The following SLC49A3 variants were observed in gnomAD, a reference collection of about 807,000 sequenced individuals.
SLC49A3 encodes the protein solute carrier family 49 member A3.
In SLC49A3, 50 loss-of-function variants were observed where a neutral mutation model predicts 43.8. The ratio of observed to expected loss-of-function variants is 1.14; its 90% CI spans 0.91 to 1.45. The LOEUF is 1.45. SLC49A3 is among the 40% of genes most tolerant of loss of function. The probability of loss-of-function intolerance (pLI) is 0.00; values close to 1 mark genes in which losing one functional copy is unlikely to be tolerated. For missense variants in SLC49A3, 906 were observed against 774.1 expected (o/e 1.17, Z -2.02); for synonymous variants, 413 against 352.0 (o/e 1.17, Z -1.94).
downstream of SLC49A3, chr4:678,192 G>A (rs563986330): frequency 3.1e-5 from 48 of 1,526,134 alleles, no homozygotes; most frequent in African/African-American, 6.3e-4. Flanking sequence ...GCGTGTGTAT[G>A]TGCGTGTGTG....
In SLC49A3 at chr4:683,220, A is replaced by T; in HGVS notation, c.1141T>A (p.Phe381Ile). The part of the protein sequence containing the change: ...VGEGAATGMI[F>I]VLGQAEGILI... The stretch of plus-strand genomic sequence containing the variant: ...CAGATGGACACTCACCCCAGCACAA[A>T]GATCATGCCTGTGGCAGCCCCCTCC... The change falls in exon 8 of 10, where the codon TTT (phenylalanine) becomes ATT (isoleucine). Residue 381 changes from phenylalanine to isoleucine, a missense_variant. Coordinates refer to ENST00000322224, the MANE Select transcript of SLC49A3 (RefSeq NM_032219.4). 6.2e-7 allele frequency: 1 copy of T among 1,612,760 alleles called. No homozygotes were observed. Among genetic ancestry groups the T allele is most frequent in the Non-Finnish European group, 8.5e-7 (1 of 1,179,914 alleles).
rs1384862473 is a variant in SLC49A3 at position 681,960 on chromosome 4, A to G, written c.1678T>C (p.Ter560GlnextTer5). The change falls in exon 10 of 10, where the codon TAG becomes CAG. Residue 560 changes from the stop codon to glutamine, a stop_lost. Transcript: ENST00000322224. ...AACCTGGACTACAAGGCGCTCAGCT[A>G]CGTGATCACCCACGGGGAGGAGAAG... ...SSFSSPWVIT[*>Q] 12 of 1,370,056 alleles carry G rather than the reference A, an allele frequency of 8.8e-6. No homozygotes were observed. Among genetic ancestry groups the G allele is most frequent in the African/African-American group, 1.5e-5 (1 of 66,666 alleles). 84.9% of individuals were successfully genotyped at this position (1,370,056 alleles called of 1,614,324 possible). A position where few individuals can be genotyped will look rare whatever the true frequency, so the allele number is the denominator to read the frequency against.
Position 685,731 on chromosome 4 carries a change from C to G in SLC49A3, c.585+104G>C. The G allele has an allele frequency of 7.9e-7, 1 of 1,266,012 alleles. No individual in the cohort carries two copies. The highest frequency in any genetic ancestry group is 1.3e-5 in the South Asian group (1 of 78,582). The allele number at this position is 1,266,012 out of a possible 1,614,324, so 78.4% of individuals were successfully genotyped here. A position where few individuals can be genotyped will look rare whatever the true frequency, so the allele number is the denominator to read the frequency against. ...GGGTGGCGGGGCGGGGGACGGGAAT[C>G]ACACACGGGCACAGGAACACGGACA... On this transcript the variant is annotated intron_variant, in intron 4 of 9. Coordinates refer to ENST00000322224, the MANE Select transcript of SLC49A3 (RefSeq NM_032219.4). This position sits in a 1 kb window ranked among gnomAD's most constrained non-coding sequence, Gnocchi z 4.3.
chr4:684,622 C>A (rs1035104198), intron 5 of SLC49A3, 23 bp from the exon 6 acceptor site: 4 of 1,612,012 alleles, frequency 2.5e-6, no homozygotes, highest in Non-Finnish European at 3.4e-6. Flanking sequence ...AGCGTCTCAG[C>A]CCCGGAGCCC....
rs763895829 is a variant in SLC49A3, at chr4:681,965, A to C, written c.1673T>G (p.Ile558Ser). ...SHSSFSSPWV[I>S]T ...GGACTACAAGGCGCTCAGCTACGTGATCACCCACGGGGAGGAGAAGGAGGA... is the reference window on the plus strand; with the variant it reads ...GGACTACAAGGCGCTCAGCTACGTGCTCACCCACGGGGAGGAGAAGGAGGA... The change falls in exon 10 of 10, where the codon ATC becomes AGC. Residue 558 changes from isoleucine (I) to serine (S), a missense_variant. Transcript: ENST00000322224. 2 of 1,373,052 alleles carry C rather than the reference A, an allele frequency of 1.5e-6. No homozygotes were observed. The highest frequency in any genetic ancestry group is 3.7e-5 in the South Asian group (2 of 54,238). The allele number at this position is 1,373,052 out of a possible 1,614,324, so 85.1% of individuals were successfully genotyped here.
At chr4:687,589 T>C (rs1376048784) in intron 1 of SLC49A3, among the ~76,000 whole-genome samples, 1 of 152,208 alleles carries the variant, frequency 6.6e-6, no homozygotes, top group Admixed American at 6.5e-5. Context: ...AGCCCTGTCC[T>C]GGTTCCTCGG....
At chr4:689,154 C>T, upstream of SLC49A3, 2 of 1,292,500 alleles carry the variant, frequency 1.5e-6, no homozygotes, top group Non-Finnish European at 2.0e-6. Flanking sequence ...GGGTCTCCGC[C>T]GGTCCCGCCG....
At chr4:690,892 A>G (rs1327828657), upstream of SLC49A3, among the ~76,000 whole-genome samples, 2 of 152,280 alleles carry the variant, frequency 1.3e-5, no homozygotes, top group African/African-American at 4.8e-5. Flanking sequence ...CCAACAAGAA[A>G]CATGAAAACC....
At chr4:678,477 T>C (rs72613111), downstream of SLC49A3, 28,094 of 1,435,680 alleles carry the variant, frequency 0.02, 1,547 homozygotes, top group East Asian at 0.23. Flanking sequence ...CCTGCAGCCG[T>C]CCTGCCCCCA....
chr4:685,863 A>G lies in SLC49A3; in HGVS notation c.557T>C (p.Val186Ala), dbSNP rs774386537. Residue 186 changes from valine (V) to alanine (A), a missense_variant, in exon 4 of 10, where the codon GTC becomes GCC. Physicochemically the swap from Val to Ala is moderately conservative, Grantham distance 64 (BLOSUM62 0). Transcript: ENST00000322224. The surrounding 1 kb of genome is among the most constrained non-coding windows in gnomAD (Gnocchi z 4.3). ...LVANVLSPVL[V>A]KKGEDIPLML... ...TAACGGAATGTCCTCACCCTTCTTGACCAGCACAGGGGACAGCACATTGGC... is the reference window on the plus strand; with the variant it reads ...TAACGGAATGTCCTCACCCTTCTTGGCCAGCACAGGGGACAGCACATTGGC... 20 of 1,613,772 alleles carry G rather than the reference A, an allele frequency of 1.2e-5. No individual in the cohort carries two copies. Among genetic ancestry groups the G allele is most frequent in the Admixed American group, 1.2e-4 (7 of 59,996 alleles).
chr4:680,779 CCTGTGCCCGG>C, downstream of SLC49A3: 1 of 665,920 alleles, frequency 1.5e-6, no homozygotes, highest in Non-Finnish European at 2.5e-6. Context: ...GGGACCAGCG[CCTGTGCCCGG>C]TGGGGGTGGG....
Position 685,106 on chromosome 4 carries a change from C to T in SLC49A3, c.586-250G>A, listed in dbSNP as rs950888866. On this transcript the variant is annotated intron_variant, in intron 4 of 9. Coordinates refer to ENST00000322224, the MANE Select transcript of SLC49A3 (RefSeq NM_032219.4). The surrounding 1 kb of genome is among the most constrained non-coding windows in gnomAD (Gnocchi z 4.3). ...CCTCCTGGCTGATGTTAGCCCAGCA[C>T]CCCCAGGCTCCAGACTTACATCTCA... is the stretch of plus-strand genomic sequence containing the variant. The T allele has an allele frequency of 4.9e-5, 27 of 545,490 alleles. No individual in the cohort carries two copies. Among genetic ancestry groups the T allele is most frequent in the Admixed American group, 1.5e-4 (4 of 27,350 alleles). 33.8% of individuals were successfully genotyped at this position (545,490 alleles called of 1,614,324 possible). A position where few individuals can be genotyped will look rare whatever the true frequency, so the allele number is the denominator to read the frequency against.
rs981568443 is a variant in SLC49A3, at chr4:683,264, T to C, written c.1097A>G (p.Glu366Gly). The C allele has an allele frequency of 8.7e-6, 14 of 1,612,052 alleles. No homozygotes were observed. Among genetic ancestry groups the C allele is most frequent in the Admixed American group, 1.7e-5 (1 of 59,966 alleles). Residue 366 changes from glutamate to glycine, a missense_variant, in exon 8 of 10, where the codon GAG becomes GGG. Coordinates refer to ENST00000322224, the MANE Select transcript of SLC49A3 (RefSeq NM_032219.4). ...VGPVAMELAV[E>G]CSFPVGEGAA... ...CCCCTCCCCCACGGGGAAGGAACACTCGACCGCCAACTCCATGGCCACGGG... is the reference window on the plus strand; with the variant it reads ...CCCCTCCCCCACGGGGAAGGAACACCCGACCGCCAACTCCATGGCCACGGG...
rs1412090312 is a variant in SLC49A3 at position 682,171 on chromosome 4, C to T, written c.1467G>A (p.Pro489=). The T allele has an allele frequency of 3.7e-6, 5 of 1,352,910 alleles. No homozygotes were observed. The highest frequency in any genetic ancestry group is 1.8e-5 in the South Asian group (1 of 56,082). 83.8% of individuals were successfully genotyped at this position (1,352,910 alleles called of 1,614,324 possible). ...GCGAGGCCCCCCTCGCCGTGCACTC[C>T]GGAGTCGCCGTGCTGGGCCCCAGGA... is the stretch of plus-strand genomic sequence containing the variant. ...AGVLGPSTAT[P]ECTARGASLE... is the part of the protein sequence containing the mutation. Residue 489 remains proline (P), a synonymous_variant, in exon 10 of 10, where the codon CCG becomes CCA. Transcript: ENST00000322224.
At chr4:677,841 GGT>G (rs895927736), downstream of SLC49A3, 84 of 933,300 alleles carry the variant, frequency 9.0e-5, no homozygotes, top group Middle Eastern at 2.4e-4. Context: ...GCAGGGCAAG[GGT>G]GTGAGTCACT....
At position 683,448 on chromosome 4, in the gene SLC49A3, C is replaced by T. The variant is rs146097779; in HGVS notation, c.994-81G>A. ...ACCTGGCTTCACGGGACATGGGACA[C>T]GGGGCAGGAGAACCCATCCCACCCC... On this transcript the variant is annotated intron_variant, in intron 7 of 9. Transcript: ENST00000322224. The T allele has an allele frequency of 4.2e-5, 65 of 1,535,308 alleles. No homozygotes were observed. The East Asian group carries it at 1.0e-3, about 25-fold the overall frequency.
chr4:682,175 G>T lies in SLC49A3; in HGVS notation c.1463C>A (p.Thr488Asn). The change falls in exon 10 of 10, where the codon ACT (threonine) becomes AAT (asparagine). Residue 488 changes from threonine to asparagine, a missense_variant. Coordinates refer to ENST00000322224, the MANE Select transcript of SLC49A3 (RefSeq NM_032219.4). ...GGCCCCCCTCGCCGTGCACTCCGGA[G>T]TCGCCGTGCTGGGCCCCAGGACCCC... ...RAGVLGPSTA[T>N]PECTARGASL... 7.4e-7 allele frequency: 1 copy of T among 1,353,984 alleles called. No individual in the cohort carries two copies. The highest frequency in any genetic ancestry group is 9.6e-7 in the Non-Finnish European group (1 of 1,041,520). The allele number at this position is 1,353,984 out of a possible 1,614,324, so 83.9% of individuals were successfully genotyped here. A position where few individuals can be genotyped will look rare whatever the true frequency, so the allele number is the denominator to read the frequency against.
Position 684,607 on chromosome 4 carries a change from G to T in SLC49A3, c.724-8C>A. On this transcript the variant is annotated splice_region_variant and splice_polypyrimidine_tract_variant and intron_variant, in intron 5 of 9. Transcript: ENST00000322224. ...GGCCTTGTTCCACATGAGCTGCTGG[G>T]AAAGAGCGTCTCAGCCCCGGAGCCC... 1.9e-6 allele frequency: 3 copies of T among 1,612,638 alleles called. No individual in the cohort carries two copies. The highest frequency in any genetic ancestry group is 2.5e-6 in the Non-Finnish European group (3 of 1,179,814).
In SLC49A3 at chr4:682,066, G is replaced by A. The variant is rs151007751; in HGVS notation, c.1572C>T (p.Thr524=). ...ATPRAQGPAA[T]DAPSRPGRLA... ...GTCTGCCGGGGCGGGAGGGCGCGTC[G>A]GTGGCTGCTGGGCCTTGCGCACGGG... The change falls in exon 10 of 10, where the codon ACC becomes ACT. Residue 524 remains threonine, a synonymous_variant. Coordinates refer to ENST00000322224, the MANE Select transcript of SLC49A3 (RefSeq NM_032219.4). The A allele has an allele frequency of 1.9e-3, 2,691 of 1,408,856 alleles. 53 individuals are homozygous for A. The East Asian group carries it at 0.041, about 22-fold the overall frequency. The allele number at this position is 1,408,856 out of a possible 1,614,324, so 87.3% of individuals were successfully genotyped here. A position where few individuals can be genotyped will look rare whatever the true frequency, so the allele number is the denominator to read the frequency against.
Sources: allele counts gnomAD v4.1 joint callset (sites outside exome capture counted in the v4.1 genomes callset), GRCh38; gene constraint gnomAD v4.1.1; non-coding constraint Gnocchi (gnomAD v3.1); transcripts MANE v1.5; gene names NCBI Gene and HGNC (gene_info 2026-07-23, HGNC 2026-07-21).